LRRIQ1: variants seen among roughly 807,000 people sequenced by gnomAD.
The protein encoded by LRRIQ1 is leucine-rich repeat- and IQ domain-containing protein 1.
In LRRIQ1, 210 loss-of-function variants were observed where a neutral mutation model predicts 211.9. The observed-to-expected ratio is 0.99, with a 90% CI of 0.89 to 1.11. The LOEUF is 1.11. LRRIQ1 is among the 50% of genes most tolerant of loss of function. The pLI, the probability that LRRIQ1 is intolerant of heterozygous loss-of-function variation, is 0.00. For missense variants in LRRIQ1, 2,136 were observed against 1,939.5 expected, an observed-to-expected ratio of 1.10 and a Z score of -1.90; for synonymous variants, 699 against 650.1, an observed-to-expected ratio of 1.08 and a Z score of -1.14.
chr12:85,155,130 A>G (rs1183833001), intron 23 of LRRIQ1, among the ~76,000 whole-genome samples: 1 of 151,494 alleles, frequency 6.6e-6, no homozygotes, highest in Non-Finnish European at 1.5e-5. Context: ...CTGGTGATTC[A>G]TTTTTATATT....
intron 15 of LRRIQ1, among the ~76,000 whole-genome samples, chr12:85,111,934 T>A (rs1266776534): frequency 2.8e-5 from 4 of 141,988 alleles, no homozygotes. Context: ...ATTAGACATT[T>A]TATATATATA....
At chr12:85,185,598 C>A (rs1392767020) in intron 24 of LRRIQ1, among the ~76,000 whole-genome samples, 1 of 151,746 alleles carries the variant, frequency 6.6e-6, no homozygotes, top group East Asian at 1.9e-4. Context: ...AAATTAACAG[C>A]CTAGAATAAA....
At chr12:85,137,805 G>T (rs2136549536) in intron 18 of LRRIQ1, 45 bp from the exon 19 acceptor site, 4 of 1,511,290 alleles carry the variant, frequency 2.6e-6, no homozygotes, top group East Asian at 2.3e-5. Flanking sequence ...CTGGTTTAGG[G>T]TTTGATCTAT....
At chr12:85,259,786 G>T (rs1896231556) in intron 1 of LRRIQ1, among the ~76,000 whole-genome samples, 1 of 151,940 alleles carries the variant, frequency 6.6e-6, no homozygotes, top group African/African-American at 2.4e-5. Context: ...TTTGCTTAAG[G>T]AATTATACCA....
chr12:85,053,674 C>T (rs541890719), intron 7 of LRRIQ1, among the ~76,000 whole-genome samples: 15 of 152,262 alleles, frequency 9.9e-5, no homozygotes, highest in Non-Finnish European at 2.1e-4. Context: ...GCTAGATTTT[C>T]TCAATCTTTG....
intron 1 of LRRIQ1, among the ~76,000 whole-genome samples, chr12:85,260,108 C>T (rs937704748): frequency 7.6e-6 from 1 of 131,434 alleles, no homozygotes; most frequent in Non-Finnish European, 1.6e-5. Context: ...ACCCTCCTTA[C>T]ATGTTACTTT....
intron 13 of LRRIQ1, among the ~76,000 whole-genome samples, chr12:85,102,066 G>T (rs1048525534): frequency 2.6e-5 from 4 of 151,548 alleles, no homozygotes; most frequent in African/African-American, 9.7e-5. Context: ...ATTAAGGGTA[G>T]AGCACAGAAA....
intron 26 of LRRIQ1, among the ~76,000 whole-genome samples, chr12:85,234,673 A>G (rs866973429): frequency 2.0e-5 from 3 of 152,336 alleles, no homozygotes; most frequent in Non-Finnish European, 2.9e-5. Context: ...GTACAAGGCT[A>G]TAACTAGGAG....
chr12:85,081,507 T>C (rs1884283699), intron 11 of LRRIQ1, among the ~76,000 whole-genome samples: 1 of 151,826 alleles, frequency 6.6e-6, no homozygotes, highest in African/African-American at 2.4e-5. Context: ...ATATACTTTA[T>C]TAATTTAATG....
chr12:85,043,194 T>G (rs1249109553), intron 3 of LRRIQ1, among the ~76,000 whole-genome samples: 1 of 152,112 alleles, frequency 6.6e-6, no homozygotes, highest in South Asian at 2.1e-4. Flanking sequence ...AATTTATTAC[T>G]ATATCTTTTG....
chr12:85,086,414 C>T (rs183023218), intron 11 of LRRIQ1, among the ~76,000 whole-genome samples: 44 of 152,016 alleles, frequency 2.9e-4, no homozygotes, highest in Non-Finnish European at 5.6e-4. Flanking sequence ...TAGCACCTCA[C>T]CCCCACTCTT....
intron 24 of LRRIQ1, among the ~76,000 whole-genome samples, chr12:85,181,038 G>T (rs1408604375): frequency 6.8e-6 from 1 of 146,418 alleles, no homozygotes; most frequent in Non-Finnish European, 1.5e-5. Context: ...TAATCCACAT[G>T]TCTCAAGGTG....
rs777267557 is a variant in LRRIQ1, at chr12:85,127,863, C to T, written c.4039C>T (p.Arg1347Cys). 19 of 1,613,640 alleles carry T rather than the reference C, an allele frequency of 1.2e-5. No homozygotes were observed. Among genetic ancestry groups the T allele is most frequent in the Admixed American group, 3.3e-5 (2 of 59,958 alleles). Residue 1347 changes from arginine to cysteine, a missense_variant, in exon 18 of 27, where the codon CGT becomes TGT. By Grantham distance (180) the Arg-to-Cys change is radical (BLOSUM62 -3). Coordinates refer to ENST00000393217, the MANE Select transcript of LRRIQ1 (RefSeq NM_001079910.2). Reference protein sequence around the residue: ...MAAVVIQSYWRGYLMRRQTHF... With the variant: ...MAAVVIQSYWCGYLMRRQTHF... ...AGCTGTGGTAATCCAGTCATACTGG[C>T]GTGGTTACCTCATGCGCAGACAGAC...
intron 15 of LRRIQ1, among the ~76,000 whole-genome samples, chr12:85,119,084 C>T (rs1046884913): frequency 6.6e-6 from 1 of 152,078 alleles, no homozygotes. Context: ...TAAGTTTTGA[C>T]AAACGTATAA....
Position 85,098,338 on chromosome 12 carries a change from T to G in LRRIQ1, c.2888-17T>G. The G allele has an allele frequency of 6.4e-7, 1 of 1,552,802 alleles. No homozygotes were observed. The highest frequency in any genetic ancestry group is 8.8e-7 in the Non-Finnish European group (1 of 1,134,416). On this transcript the variant is annotated splice_polypyrimidine_tract_variant and intron_variant, in intron 11 of 26. Transcript: ENST00000393217. The stretch of plus-strand genomic sequence containing the variant: ...AGACTGTATGACACAGGTGATCTTA[T>G]AACTTTTTTCTTCTAGGTGGTTTAG...
chr12:85,153,819 C>T, intron 22 of LRRIQ1, 61 bp downstream of exon 22: 1 of 1,123,092 alleles, frequency 8.9e-7, no homozygotes, highest in South Asian at 1.5e-5. Flanking sequence ...AAGTCCAAGA[C>T]AGATACTTTT....
Position 85,056,621 on chromosome 12 carries a change from A to C in LRRIQ1, c.1828A>C (p.Lys610Gln). Residue 610 changes from lysine (K) to glutamine (Q), a missense_variant, in exon 8 of 27, where the codon AAA becomes CAA. Lys to Gln is a moderately conservative substitution (Grantham distance 53). Coordinates refer to ENST00000393217, the MANE Select transcript of LRRIQ1 (RefSeq NM_001079910.2). ...TAAGGATACTTTAGTTATTTCAGTG[A>C]AACAAAGATCACTCTCACTAACATC... The part of the protein sequence containing the change: ...KDKDTLVISV[K>Q]QRSLSLTSEN... 1 of 1,595,126 alleles carries C rather than the reference A, an allele frequency of 6.3e-7. No individual in the cohort carries two copies. Among genetic ancestry groups the C allele is most frequent in the African/African-American group, 1.4e-5 (1 of 73,756 alleles).
intron 24 of LRRIQ1, among the ~76,000 whole-genome samples, chr12:85,203,607 G>A (rs563587477): frequency 6.6e-6 from 1 of 152,238 alleles, no homozygotes; most frequent in African/African-American, 2.4e-5. Context: ...GGAATTTGTT[G>A]GGAACTGGAG....
Position 85,056,792 on chromosome 12 carries a change from A to C in LRRIQ1, c.1999A>C (p.Ile667Leu). 6.2e-7 allele frequency: 1 copy of C among 1,610,064 alleles called. No homozygotes were observed. The highest frequency in any genetic ancestry group is 1.3e-5 in the African/African-American group (1 of 74,698). Residue 667 changes from isoleucine to leucine, a missense_variant, in exon 8 of 27, where the codon ATA becomes CTA. Coordinates refer to ENST00000393217, the MANE Select transcript of LRRIQ1 (RefSeq NM_001079910.2). ...IFNTTDTMIN[I>L]EGKRNDQDYV... Reference sequence around the variant, plus strand: ...TAACACAACTGATACCATGATAAATATAGAAGGCAAAAGAAATGACCAAGA... The same window carrying C: ...TAACACAACTGATACCATGATAAATCTAGAAGGCAAAAGAAATGACCAAGA...
Sources: allele counts gnomAD v4.1 joint callset (sites outside exome capture counted in the v4.1 genomes callset), GRCh38; gene constraint gnomAD v4.1.1; transcripts MANE v1.5; gene names NCBI Gene and HGNC (gene_info 2026-07-23, HGNC 2026-07-21).